The following RPH3A variants were observed in gnomAD, a reference collection of about 807,000 sequenced individuals.
RPH3A encodes rabphilin 3A.
In RPH3A, 48 loss-of-function variants were observed where a neutral mutation model predicts 102.2. The ratio of observed to expected loss-of-function variants is 0.47; its 90% CI spans 0.37 to 0.60. The LOEUF (loss-of-function observed/expected upper bound fraction) is 0.60. Ranked by LOEUF, RPH3A falls within the 20% of genes least tolerant of loss-of-function variation. RPH3A has a pLI of 0.00. For synonymous variants in RPH3A, 310 were observed against 324.3 expected (o/e 0.96, Z 0.47); for missense variants, 781 against 910.1 (o/e 0.86, Z 1.83).
chr12:112,592,975 C>G (rs905964335), intron 1 of RPH3A, among the ~76,000 whole-genome samples: 7 of 152,146 alleles, frequency 4.6e-5, no homozygotes, highest in Admixed American at 1.3e-4. Flanking sequence ...ATCAGGGTAT[C>G]ATTTGAACTT....
chr12:112,824,358 A>T (rs1231724604), intron 2 of RPH3A, among the ~76,000 whole-genome samples: 2 of 152,152 alleles, frequency 1.3e-5, no homozygotes, highest in Non-Finnish European at 2.9e-5. Context: ...TTCTCTGGAA[A>T]ATGGTGCTGC....
intron 1 of RPH3A, among the ~76,000 whole-genome samples, chr12:112,681,085 G>T (rs1018669538): frequency 6.6e-6 from 1 of 152,158 alleles, no homozygotes; most frequent in South Asian, 2.1e-4. Flanking sequence ...GGCCCACTGC[G>T]TCCCTAACTG....
intron 2 of RPH3A, among the ~76,000 whole-genome samples, chr12:112,826,304 G>A (rs1052843071): frequency 1.3e-5 from 2 of 152,202 alleles, no homozygotes; most frequent in South Asian, 2.1e-4. Context: ...GAAAGAGGGC[G>A]TGAGAAGAGT....
chr12:112,775,157 C>A (rs1311626632), intron 1 of RPH3A, among the ~76,000 whole-genome samples: 1 of 151,954 alleles, frequency 6.6e-6, no homozygotes. Context: ...ACCATTATGG[C>A]CCATGTTTAC....
chr12:112,782,917 G>A (rs1177992302), intron 1 of RPH3A, among the ~76,000 whole-genome samples: 1 of 152,148 alleles, frequency 6.6e-6, no homozygotes, highest in East Asian at 1.9e-4. Flanking sequence ...TAAATTCCTG[G>A]ACAGAGTCTC....
intron 1 of RPH3A, among the ~76,000 whole-genome samples, chr12:112,654,671 G>A (rs372234352): frequency 2.0e-5 from 3 of 152,114 alleles, no homozygotes; most frequent in African/African-American, 7.2e-5. Context: ...CAAGGTTCTT[G>A]GTGCAGTTAT....
At chr12:112,859,653 C>G (rs1466378640) in intron 5 of RPH3A, among the ~76,000 whole-genome samples, 3 of 152,190 alleles carry the variant, frequency 2.0e-5, no homozygotes, top group Non-Finnish European at 4.4e-5. Flanking sequence ...CCCCAGTTAA[C>G]ACAGCAAGAA....
intron 1 of RPH3A, among the ~76,000 whole-genome samples, chr12:112,757,867 C>T (rs2136064746): frequency 6.6e-6 from 1 of 152,270 alleles, no homozygotes; most frequent in South Asian, 2.1e-4. Flanking sequence ...TCACACTCAG[C>T]TTGTGTACTT....
At chr12:112,870,977 C>T (rs895694812) in intron 10 of RPH3A, among the ~76,000 whole-genome samples, 3 of 152,206 alleles carry the variant, frequency 2.0e-5, no homozygotes, top group South Asian at 2.1e-4. Context: ...CCAAAATCCA[C>T]GTATGAGACT....
At chr12:112,634,111 G>T (rs113888671) in intron 1 of RPH3A, among the ~76,000 whole-genome samples, 3 of 152,264 alleles carry the variant, frequency 2.0e-5, no homozygotes, top group African/African-American at 7.2e-5. Context: ...CACTTTGGGA[G>T]GCCAAGGTAG....
chr12:112,836,275 T>C (rs1593062703), intron 3 of RPH3A, among the ~76,000 whole-genome samples: 1 of 152,230 alleles, frequency 6.6e-6, no homozygotes, highest in Non-Finnish European at 1.5e-5. Context: ...AACTGGCTGG[T>C]CAATTTAATC....
At chr12:112,887,995 A>C (rs2043033169) in intron 17 of RPH3A, 72 bp downstream of exon 17, 11 of 1,547,442 alleles carry the variant, frequency 7.1e-6, no homozygotes, top group Non-Finnish European at 9.7e-6. Context: ...CTGGGTCTGA[A>C]TTGGGGGAAA....
At chr12:112,597,247 A>G (rs2039523968) in intron 1 of RPH3A, among the ~76,000 whole-genome samples, 1 of 152,194 alleles carries the variant, frequency 6.6e-6, no homozygotes, top group South Asian at 2.1e-4. Context: ...TAATTCTTAT[A>G]AAAAAGGGAA....
At chr12:112,890,614 G>A (rs910211136) in intron 18 of RPH3A, among the ~76,000 whole-genome samples, 2 of 152,194 alleles carry the variant, frequency 1.3e-5, no homozygotes, top group Admixed American at 1.3e-4. Context: ...CACAGTCAGA[G>A]TCTGTTTATG....
chr12:112,878,441 A>G (rs1184169450), intron 13 of RPH3A, among the ~76,000 whole-genome samples: 1 of 152,332 alleles, frequency 6.6e-6, no homozygotes, highest in East Asian at 1.9e-4. Context: ...GAGCATGTAC[A>G]AAGTGCCTCA....
In RPH3A at chr12:112,883,355, C is replaced by A. The variant is rs376509911; in HGVS notation, c.1389C>A (p.Leu463=). The A allele has an allele frequency of 6.2e-7, 1 of 1,614,092 alleles. No homozygotes were observed. Among genetic ancestry groups the A allele is most frequent in the Non-Finnish European group, 8.5e-7 (1 of 1,180,008 alleles). ...NTRNPIWNET[L]VYHGITDEDM... is the part of the protein sequence containing the mutation. ...GGAACCCCATCTGGAATGAGACCCT[C>A]GTGTATCACGGCATCACCGATGAGG... Residue 463 remains leucine, a synonymous_variant, in exon 16 of 22, where the codon CTC becomes CTA. Transcript: ENST00000389385.
At chr12:112,591,171 C>T (rs540544187) in intron 1 of RPH3A, among the ~76,000 whole-genome samples, 22 of 150,054 alleles carry the variant, frequency 1.5e-4, no homozygotes, top group African/African-American at 5.4e-4. Flanking sequence ...AGGCTGGCGT[C>T]AAACTCCTGG....
upstream of RPH3A, among the ~76,000 whole-genome samples, chr12:112,789,265 A>T (rs973598124): frequency 2.0e-5 from 3 of 151,746 alleles, no homozygotes; most frequent in African/African-American, 7.3e-5. Context: ...TCTATACTCA[A>T]CTCTGCTACT....
At chr12:112,598,789 G>T (rs948637613) in intron 1 of RPH3A, among the ~76,000 whole-genome samples, 1 of 152,164 alleles carries the variant, frequency 6.6e-6, no homozygotes, top group Admixed American at 6.5e-5. Context: ...TTTAAGAAGG[G>T]TGTGGAATCT....
Sources: allele counts gnomAD v4.1 joint callset (sites outside exome capture counted in the v4.1 genomes callset), GRCh38; gene constraint gnomAD v4.1.1; transcripts MANE v1.5; gene names NCBI Gene and HGNC (gene_info 2026-07-23, HGNC 2026-07-21).